The following DUSP10 variants were observed in gnomAD, a reference collection of about 807,000 sequenced individuals.
The protein encoded by DUSP10 is dual specificity phosphatase 10, also known as dual specificity protein phosphatase 10.
In DUSP10, 14 loss-of-function variants were observed where a neutral mutation model predicts 30.8. The observed-to-expected ratio is 0.46, with a 90% CI of 0.30 to 0.71. The LOEUF (loss-of-function observed/expected upper bound fraction) is 0.71. Ranked by LOEUF, DUSP10 falls within the 30% of genes least tolerant of loss-of-function variation. DUSP10 has a pLI of 0.08. For missense variants in DUSP10, 550 were observed against 619.4 expected, an observed-to-expected ratio of 0.89 and a Z score of 1.19; for synonymous variants, 254 against 250.4, an observed-to-expected ratio of 1.01 and a Z score of -0.14.
At chr1:221,724,056 C>G (rs964486123) in intron 2 of DUSP10, among the ~76,000 whole-genome samples, 2 of 152,182 alleles carry the variant, frequency 1.3e-5, no homozygotes, top group East Asian at 3.8e-4. Flanking sequence ...AAAGACACTC[C>G]TAACACTCGG....
Position 221,739,910 on chromosome 1 carries a change from C to CAT in DUSP10, c.-43-125_-43-124dup. ...CAAAGTCGTCCTAATTGCCCTTTAT[C>CAT]ATACCATTATCAAAACTTGAAATTC... On this transcript the variant is annotated intron_variant, in intron 1 of 3. Coordinates refer to ENST00000366899, the MANE Select transcript of DUSP10 (RefSeq NM_007207.6). 6.1e-6 allele frequency: 6 copies of CAT among 978,362 alleles called. No individual in the cohort carries two copies. The South Asian group carries it at 1.4e-4, about 23-fold the overall frequency. The allele number at this position is 978,362 out of a possible 1,614,324, so 60.6% of individuals were successfully genotyped here.
chr1:221,703,197 G>A (rs1660657639), intron 3 of DUSP10, among the ~76,000 whole-genome samples: 1 of 141,398 alleles, frequency 7.1e-6, no homozygotes, highest in Non-Finnish European at 1.5e-5. Context: ...ATGTATGTGT[G>A]TGTATGTGTG....
chr1:221,705,403 G>A (rs539851816), intron 3 of DUSP10, among the ~76,000 whole-genome samples: 3 of 152,296 alleles, frequency 2.0e-5, no homozygotes, highest in South Asian at 2.1e-4. Context: ...GAGCCACCGC[G>A]CCCGGCGATA....
chr1:221,736,875 C>T (rs995412829), intron 2 of DUSP10: 18 of 985,360 alleles, frequency 1.8e-5, no homozygotes, highest in Middle Eastern at 5.2e-4. Flanking sequence ...AAGTCGACTG[C>T]CGCGGTGTCT....
At chr1:221,741,286 AGTCTTTGCTATT>A (rs1661946681) in intron 1 of DUSP10, among the ~76,000 whole-genome samples, 1 of 152,180 alleles carries the variant, frequency 6.6e-6, no homozygotes, top group Non-Finnish European at 1.5e-5. Context: ...AAGCGGTGAA[AGTCTTTGCTATT>A]GTGTTACCTG....
intron 1 of DUSP10, among the ~76,000 whole-genome samples, chr1:221,741,203 C>G (rs923839652): frequency 2.6e-5 from 4 of 152,202 alleles, no homozygotes; most frequent in Admixed American, 2.6e-4. Flanking sequence ...AGTCAACCCC[C>G]CTTCCCTTGC....
rs775753885 is a variant in DUSP10, at chr1:221,739,539, C to T, written c.206G>A (p.Arg69His). 27 of 1,614,006 alleles carry T rather than the reference C, an allele frequency of 1.7e-5. No individual in the cohort carries two copies. The highest frequency in any genetic ancestry group is 3.3e-5 in the South Asian group (3 of 91,082). ...TYMPSSSGSA[R>H]SLNCGCSSAS... ...ACTGCTGCATCCACAATTCAGCGAG[C>T]GGGCAGAGCCGCTGGATGAGGGCAT... is the stretch of plus-strand genomic sequence containing the variant. Residue 69 changes from arginine to histidine, a missense_variant, in exon 2 of 4, where the codon CGC becomes CAC. Coordinates refer to ENST00000366899, the MANE Select transcript of DUSP10 (RefSeq NM_007207.6).
chr1:221,738,915 A>G lies in DUSP10; in HGVS notation c.811+19T>C. The G allele has an allele frequency of 6.3e-7, 1 of 1,578,754 alleles. No homozygotes were observed. The highest frequency in any genetic ancestry group is 1.8e-5 in the Admixed American group (1 of 56,292). Reference sequence around the variant, plus strand: ...CCGGCTAATCAGGACCGTGCTTGGGAAGGGAGCAGGGGCATTACCTTTCAA... The same window carrying G: ...CCGGCTAATCAGGACCGTGCTTGGGGAGGGAGCAGGGGCATTACCTTTCAA... On this transcript the variant is annotated intron_variant, in intron 2 of 3. Transcript: ENST00000366899.
chr1:221,710,897 G>A lies in DUSP10; in HGVS notation c.812-4431C>T, dbSNP rs530981743. On this transcript the variant is annotated intron_variant, in intron 2 of 3. Coordinates refer to ENST00000366899, the MANE Select transcript of DUSP10 (RefSeq NM_007207.6). ...CACAAGAGCCTGCAGTTATTAGTGC[G>A]AACATATTGTAGCCATGAGCAACAA... Among the ~76,000 whole-genome samples, 13 of 152,016 alleles carry A rather than the reference G, an allele frequency of 8.6e-5. No individual in the cohort carries two copies. In the East Asian group the frequency reaches 1.7e-3, roughly 20 times the overall value.
intron 2 of DUSP10, among the ~76,000 whole-genome samples, chr1:221,725,916 C>T (rs1235347592): frequency 6.6e-6 from 1 of 152,170 alleles, no homozygotes; most frequent in Non-Finnish European, 1.5e-5. Flanking sequence ...CCGTTGTTAG[C>T]CTTGCCAGAT....
At chr1:221,732,800 G>A (rs940004274) in intron 2 of DUSP10, among the ~76,000 whole-genome samples, 1 of 152,172 alleles carries the variant, frequency 6.6e-6, no homozygotes, top group Non-Finnish European at 1.5e-5. Context: ...CTGCACCCCA[G>A]ACCAATTTAA....
chr1:221,741,326 T>C (rs1558129983), intron 1 of DUSP10, among the ~76,000 whole-genome samples: 1 of 152,280 alleles, frequency 6.6e-6, no homozygotes, highest in East Asian at 1.9e-4. Flanking sequence ...ACGTCCAGGA[T>C]CAACATACCA....
chr1:221,731,395 T>C (rs1344267472), intron 2 of DUSP10, among the ~76,000 whole-genome samples: 1 of 151,368 alleles, frequency 6.6e-6, no homozygotes, highest in Non-Finnish European at 1.5e-5. Context: ...ATTCCTATCA[T>C]CAACATGTAC....
chr1:221,739,413 G>A lies in DUSP10; in HGVS notation c.332C>T (p.Thr111Ile). Residue 111 changes from threonine (T) to isoleucine (I), a missense_variant, in exon 2 of 4, where the codon ACC becomes ATC. Thr to Ile is a moderately conservative substitution (Grantham distance 89). Coordinates refer to ENST00000366899, the MANE Select transcript of DUSP10 (RefSeq NM_007207.6). ...GTTGACCATCTGGTTAGCAGGGCAG[G>A]TGGTAGAGGTTCCGATGGCAGTGGT... ...TTTTAIGTSTTCPANQMVNNN... is the reference protein window; with the variant it reads ...TTTTAIGTSTICPANQMVNNN... The A allele has an allele frequency of 3.1e-6, 5 of 1,614,238 alleles. No individual in the cohort carries two copies. Among genetic ancestry groups the A allele is most frequent in the Non-Finnish European group, 4.2e-6 (5 of 1,180,044 alleles).
intron 2 of DUSP10, among the ~76,000 whole-genome samples, chr1:221,715,794 G>C (rs1661085662): frequency 6.6e-6 from 1 of 152,164 alleles, no homozygotes; most frequent in Non-Finnish European, 1.5e-5. Context: ...GATTTGAACT[G>C]TTAAGATCTC....
chr1:221,704,488 A>G (rs1660698770), intron 3 of DUSP10, among the ~76,000 whole-genome samples: 1 of 152,208 alleles, frequency 6.6e-6, no homozygotes, highest in Non-Finnish European at 1.5e-5. Context: ...CAGTCATAAC[A>G]TCACATCATG....
At chr1:221,718,359 C>T (rs757995633) in intron 2 of DUSP10, among the ~76,000 whole-genome samples, 20 of 152,116 alleles carry the variant, frequency 1.3e-4, no homozygotes, top group Non-Finnish European at 2.2e-4. Flanking sequence ...AGACATTCTG[C>T]GTACTGGGGA....
chr1:221,718,569 A>G (rs1661187046), intron 2 of DUSP10, among the ~76,000 whole-genome samples: 1 of 152,236 alleles, frequency 6.6e-6, no homozygotes, highest in Non-Finnish European at 1.5e-5. Flanking sequence ...TCAACCAGAT[A>G]TTCTGCATTA....
chr1:221,716,223 T>A (rs1270110503), intron 2 of DUSP10, among the ~76,000 whole-genome samples: 1 of 152,206 alleles, frequency 6.6e-6, no homozygotes, highest in Non-Finnish European at 1.5e-5. Flanking sequence ...AAAGGTGGGC[T>A]GGGAAGAGTG....
Sources: gnomAD v4.1 joint callset for allele counts (sites outside exome capture counted in the v4.1 genomes callset) on GRCh38, gnomAD v4.1.1 for gene constraint, MANE v1.5 for transcripts, NCBI Gene and HGNC (gene_info 2026-07-23, HGNC 2026-07-21) for gene names.